NOX4: variants seen among roughly 807,000 people sequenced by gnomAD.
NOX4 encodes kidney oxidase-1.
Under a neutral mutation model 87.6 loss-of-function variants are expected in NOX4, and 69 were observed. The ratio of observed to expected loss-of-function variants is 0.79; its 90% CI spans 0.65 to 0.96. The LOEUF is 0.96. NOX4 is among the 40% of genes least tolerant of loss of function. NOX4 has a pLI of 0.00. For missense variants in NOX4, 680 were observed against 681.5 expected (o/e 1.00, Z 0.02); for synonymous variants, 275 against 238.2 (o/e 1.15, Z -1.42).
chr11:89,557,487 A>T, the NOX4 span, among the ~76,000 whole-genome samples: 1 of 152,194 alleles, frequency 6.6e-6, no homozygotes, highest in Non-Finnish European at 1.5e-5. Flanking sequence ...CACACTGCTG[A>T]GTAGTAAATC....
intron 12 of NOX4, among the ~76,000 whole-genome samples, chr11:89,361,094 A>T (rs1268210557): frequency 6.6e-6 from 1 of 152,102 alleles, no homozygotes; most frequent in African/African-American, 2.4e-5. Flanking sequence ...CAATCTCACT[A>T]CTAGGTATCT....
At chr11:89,425,851 G>A (rs570046671) in intron 7 of NOX4, among the ~76,000 whole-genome samples, 204 of 152,150 alleles carry the variant, frequency 1.3e-3, no homozygotes, top group African/African-American at 4.5e-3. Flanking sequence ...TACTTTCAAA[G>A]CATATATACA....
At chr11:89,485,480 GA>G (rs1468514491) in intron 2 of NOX4, among the ~76,000 whole-genome samples, 2 of 151,782 alleles carry the variant, frequency 1.3e-5, no homozygotes, top group Admixed American at 1.3e-4. Flanking sequence ...ATGTTTATGG[GA>G]ATTACATGAT....
chr11:89,566,289 C>G, the NOX4 span, among the ~76,000 whole-genome samples: 311 of 151,894 alleles, frequency 2.0e-3, 2 homozygotes, highest in African/African-American at 6.2e-3. Context: ...GTGCTCCCCG[C>G]CCTTTGCCTC....
chr11:89,386,340 C>T (rs1380564545), intron 11 of NOX4, among the ~76,000 whole-genome samples: 1 of 152,180 alleles, frequency 6.6e-6, no homozygotes. Context: ...GTTTACACTG[C>T]CAGTTTACAC....
chr11:89,375,647 T>G (rs1008685964), intron 11 of NOX4, among the ~76,000 whole-genome samples: 4 of 152,212 alleles, frequency 2.6e-5, no homozygotes, highest in Non-Finnish European at 4.4e-5. Flanking sequence ...CAAACAGTTT[T>G]GTCATCAGTA....
At chr11:89,583,925 A>C in the NOX4 span, among the ~76,000 whole-genome samples, 2 of 152,174 alleles carry the variant, frequency 1.3e-5, no homozygotes, top group East Asian at 3.9e-4. Context: ...AAGATAGGTA[A>C]ATAATTATTT....
chr11:89,417,869 A>T (rs2135249258), intron 8 of NOX4, among the ~76,000 whole-genome samples: 1 of 152,246 alleles, frequency 6.6e-6, no homozygotes, highest in East Asian at 1.9e-4. Context: ...GCTAACAAAA[A>T]GCAAGGACAA....
intron 11 of NOX4, among the ~76,000 whole-genome samples, chr11:89,395,973 T>A (rs1941456051): frequency 1.3e-5 from 2 of 152,100 alleles, no homozygotes; most frequent in African/African-American, 4.8e-5. Flanking sequence ...CTTAGGATTG[T>A]CTTGGCAATA....
At chr11:89,564,512 A>G in the NOX4 span, among the ~76,000 whole-genome samples, 1 of 152,174 alleles carries the variant, frequency 6.6e-6, no homozygotes, top group Admixed American at 6.5e-5. Context: ...GATTATAATT[A>G]AACATGAGAT....
At chr11:89,474,296 A>C (rs1946073457) in intron 2 of NOX4, among the ~76,000 whole-genome samples, 1 of 152,100 alleles carries the variant, frequency 6.6e-6, no homozygotes. Context: ...AGGAAATGCA[A>C]TTCAAATTTA....
intron 7 of NOX4, among the ~76,000 whole-genome samples, chr11:89,424,656 T>C (rs952864027): frequency 6.6e-6 from 1 of 151,952 alleles, no homozygotes; most frequent in Admixed American, 6.6e-5. Context: ...AAAATTTGAG[T>C]TCATATTAGT....
the NOX4 span, among the ~76,000 whole-genome samples, chr11:89,530,689 G>T: frequency 6.6e-6 from 1 of 151,988 alleles, no homozygotes; most frequent in African/African-American, 2.4e-5. Flanking sequence ...TTTAGGATAT[G>T]ATTCACTTCA....
chr11:89,540,095 G>A, the NOX4 span, among the ~76,000 whole-genome samples: 3 of 152,050 alleles, frequency 2.0e-5, no homozygotes, highest in Admixed American at 6.6e-5. Context: ...CTAAAGGAAC[G>A]TAATACCCGT....
chr11:89,542,220 C>T, the NOX4 span, among the ~76,000 whole-genome samples: 1 of 152,184 alleles, frequency 6.6e-6, no homozygotes, highest in Non-Finnish European at 1.5e-5. Flanking sequence ...AGTTTGTGCA[C>T]AACTGAAGAT....
intron 17 of NOX4, among the ~76,000 whole-genome samples, chr11:89,327,677 A>G (rs1945277101): frequency 6.6e-6 from 1 of 152,192 alleles, no homozygotes; most frequent in South Asian, 2.1e-4. Flanking sequence ...GGGAAAATCC[A>G]GTATGTCTTA....
chr11:89,389,211 A>G (rs1423180091), intron 11 of NOX4, among the ~76,000 whole-genome samples: 1 of 152,190 alleles, frequency 6.6e-6, no homozygotes, highest in Non-Finnish European at 1.5e-5. Context: ...TCAAATCAGG[A>G]TATCCTTCTT....
intron 2 of NOX4, among the ~76,000 whole-genome samples, chr11:89,456,728 C>T (rs1945217099): frequency 6.6e-6 from 1 of 152,126 alleles, no homozygotes. Context: ...CTTGAGCTGG[C>T]AGAGAGTTGG....
At chr11:89,402,975 T>C (rs1565244518) in intron 8 of NOX4, among the ~76,000 whole-genome samples, 2 of 152,190 alleles carry the variant, frequency 1.3e-5, no homozygotes, top group Non-Finnish European at 2.9e-5. Flanking sequence ...TGGCCAAGCC[T>C]GGATAAAACA....
Sources: gnomAD v4.1 joint callset for allele counts (sites outside exome capture counted in the v4.1 genomes callset) on GRCh38, gnomAD v4.1.1 for gene constraint, MANE v1.5 for transcripts, NCBI Gene and HGNC (gene_info 2026-07-23, HGNC 2026-07-21) for gene names.